PTPRQ: variants seen among roughly 807,000 people sequenced by gnomAD.
PTPRQ encodes protein tyrosine phosphatase receptor type Q.
In PTPRQ, 199 loss-of-function variants were observed where a neutral mutation model predicts 246.0. The ratio of observed to expected loss-of-function variants is 0.81; its 90% CI spans 0.72 to 0.91. The LOEUF is 0.91. Ranked by LOEUF, PTPRQ falls within the 40% of genes least tolerant of loss-of-function variation. The pLI, the probability that PTPRQ is intolerant of heterozygous loss-of-function variation, is 0.00. For missense variants in PTPRQ, 2,624 were observed against 2,528.4 expected (o/e 1.04, Z -0.81); for synonymous variants, 869 against 853.2 (o/e 1.02, Z -0.32).
At chr12:80,540,544 C>T (rs554500734) in intron 20 of PTPRQ, among the ~76,000 whole-genome samples, 16 of 152,096 alleles carry the variant, frequency 1.1e-4, no homozygotes, top group African/African-American at 3.1e-4. Flanking sequence ...TTGTTTCTGT[C>T]ATCCATTTGC....
At chr12:80,635,761 A>G (rs1899623103) in intron 35 of PTPRQ, among the ~76,000 whole-genome samples, 1 of 152,180 alleles carries the variant, frequency 6.6e-6, no homozygotes, top group East Asian at 1.9e-4. Context: ...TATTAAGATA[A>G]TTCATCAAAT....
intron 21 of PTPRQ, 96 bp downstream of exon 21, chr12:80,541,941 T>G (rs1896166414): frequency 6.8e-7 from 1 of 1,462,076 alleles, no homozygotes; most frequent in African/African-American, 1.4e-5. Context: ...ATATTGATTC[T>G]GTTTGATCTC....
chr12:80,541,107 C>G (rs1292701087), intron 20 of PTPRQ, among the ~76,000 whole-genome samples: 1 of 151,968 alleles, frequency 6.6e-6, no homozygotes, highest in Non-Finnish European at 1.5e-5. Flanking sequence ...TTCTGGCTAC[C>G]CACATGACCT....
intron 35 of PTPRQ, among the ~76,000 whole-genome samples, chr12:80,646,367 A>G (rs1900072137): frequency 6.6e-6 from 1 of 152,234 alleles, no homozygotes; most frequent in African/African-American, 2.4e-5. Flanking sequence ...TAAAGGCATC[A>G]TATTTTCTAA....
In PTPRQ at chr12:80,619,494, G is replaced by A. The variant is rs1898893319; in HGVS notation, c.5341G>A (p.Asp1781Asn). The A allele has an allele frequency of 6.5e-7, 1 of 1,543,900 alleles. No individual in the cohort carries two copies. The highest frequency in any genetic ancestry group is 2.0e-5 in the Admixed American group (1 of 50,488). The change falls in exon 31 of 45, where the codon GAT becomes AAT. Residue 1781 changes from aspartate to asparagine, a missense_variant. By Grantham distance (23) the Asp-to-Asn change is conservative. Transcript: ENST00000644991. ...IRMPICYYSDDHGPIKNVQVL... is the reference protein window; with the variant it reads ...IRMPICYYSDNHGPIKNVQVL... ...AATGCCAATATGTTACTACAGTGATGATCATGGACCAATAAAAAATGTACA... is the reference window on the plus strand; with the variant it reads ...AATGCCAATATGTTACTACAGTGATAATCATGGACCAATAAAAAATGTACA...
chr12:80,512,906 C>G (rs1053688695), intron 17 of PTPRQ: 1 of 152,058 alleles, frequency 6.6e-6, no homozygotes, highest in Non-Finnish European at 1.5e-5. Context: ...GTTCCCTTGT[C>G]CTGCTCTCGG....
chr12:80,595,091 T>G (rs112773155), intron 26 of PTPRQ, among the ~76,000 whole-genome samples: 15 of 152,322 alleles, frequency 9.8e-5, no homozygotes, highest in African/African-American at 3.6e-4. Context: ...TTGTCCTTTC[T>G]TTCCTCCTCT....
In PTPRQ at chr12:80,495,751, C is replaced by T. The variant is rs11114480; in HGVS notation, c.1883-248C>T. The stretch of plus-strand genomic sequence containing the variant: ...TATTTGTGCCAAGTCAACTATACAC[C>T]CTGCAGTGTGCCAAAAAGTTACTTT... On this transcript the variant is annotated intron_variant, in intron 12 of 44. Transcript: ENST00000644991. Among the ~76,000 whole-genome samples the T allele has an allele frequency of 8.1e-3, 1,238 of 151,924 alleles. 16 individuals carry two copies. Among genetic ancestry groups the T allele is most frequent in the African/African-American group, 0.028 (1,179 of 41,468 alleles).
At chr12:80,527,905 G>A (rs192059983) in intron 17 of PTPRQ, among the ~76,000 whole-genome samples, 1 of 152,138 alleles carries the variant, frequency 6.6e-6, no homozygotes, top group Non-Finnish European at 1.5e-5. Context: ...ATCAGCCTGG[G>A]CACCATGGTG....
chr12:80,466,635 A>C (rs371457968), intron 6 of PTPRQ, among the ~76,000 whole-genome samples: 13 of 152,224 alleles, frequency 8.5e-5, no homozygotes, highest in East Asian at 1.9e-4. Context: ...ACCAAAACAG[A>C]ATGGTACTGG....
chr12:80,625,500 A>G (rs1899166792), intron 33 of PTPRQ, among the ~76,000 whole-genome samples: 1 of 152,138 alleles, frequency 6.6e-6, no homozygotes, highest in Non-Finnish European at 1.5e-5. Context: ...GTTTCCACAG[A>G]CCATTGTAGT....
At chr12:80,619,331 T>C in intron 30 of PTPRQ, 53 bp from the exon 31 acceptor site, 1 of 1,507,256 alleles carries the variant, frequency 6.6e-7, no homozygotes, top group South Asian at 1.3e-5. Context: ...ATTTTTTCTT[T>C]TGTTGATGAA....
At chr12:80,601,434 T>C (rs983046779) in intron 26 of PTPRQ, among the ~76,000 whole-genome samples, 2 of 151,884 alleles carry the variant, frequency 1.3e-5, no homozygotes, top group African/African-American at 4.8e-5. Flanking sequence ...TATGAGCTTT[T>C]TGTCCTCTTA....
At chr12:80,511,633 T>C in intron 17 of PTPRQ, among the ~76,000 whole-genome samples, 1 of 152,172 alleles carries the variant, frequency 6.6e-6, no homozygotes, top group Admixed American at 6.5e-5. Context: ...GGAAGTTCTC[T>C]TTGAAGAAGT....
intron 39 of PTPRQ, among the ~76,000 whole-genome samples, 170 bp downstream of exon 39, chr12:80,658,231 TA>T (rs1350868898): frequency 1.3e-5 from 2 of 152,052 alleles, no homozygotes; most frequent in Non-Finnish European, 2.9e-5. Flanking sequence ...TGGATATGGA[TA>T]TGCCTAACAG....
At chr12:80,634,024 T>C (rs1899544522) in intron 34 of PTPRQ, among the ~76,000 whole-genome samples, 1 of 152,198 alleles carries the variant, frequency 6.6e-6, no homozygotes, top group African/African-American at 2.4e-5. Flanking sequence ...CTCCTTCTCA[T>C]CCTGGGACAT....
intron 35 of PTPRQ, 99 bp downstream of exon 35, chr12:80,635,172 T>C: frequency 6.8e-7 from 1 of 1,466,458 alleles, no homozygotes; most frequent in Non-Finnish European, 9.0e-7. Context: ...GGCTCTAATT[T>C]ACACAGGTCA....
Position 80,673,214 on chromosome 12 carries a change from A to C in PTPRQ, c.6648A>C (p.Leu2216Phe). 1 of 1,551,000 alleles carries C rather than the reference A, an allele frequency of 6.4e-7. No individual in the cohort carries two copies. Among genetic ancestry groups the C allele is most frequent in the Non-Finnish European group, 8.7e-7 (1 of 1,146,496 alleles). Residue 2216 changes from leucine (L) to phenylalanine (F), a missense_variant, in exon 43 of 45, where the codon TTA becomes TTC. Transcript: ENST00000644991. ...RTGVFIALDH[L>F]TQHINDHDFV... ...GAGTTTTTATTGCTCTGGACCATTTAACACAACATATAAATGACCATGATT... is the reference window on the plus strand; with the variant it reads ...GAGTTTTTATTGCTCTGGACCATTTCACACAACATATAAATGACCATGATT...
intron 17 of PTPRQ, among the ~76,000 whole-genome samples, chr12:80,514,271 C>T (rs4426187): frequency 0.35 from 53,208 of 151,044 alleles, 11,694 homozygotes; most frequent in African/African-American, 0.62. Context: ...TTATAACTAC[C>T]TAATTGTAAA....
Sources: gnomAD v4.1 joint callset for allele counts (sites outside exome capture counted in the v4.1 genomes callset) on GRCh38, gnomAD v4.1.1 for gene constraint, MANE v1.5 for transcripts, NCBI Gene and HGNC (gene_info 2026-07-23, HGNC 2026-07-21) for gene names.